Variants in BCL2 observed in about 807,000 individuals in gnomAD.
BCL2 encodes the protein BCL2 apoptosis regulator, also known as apoptosis regulator Bcl-2.
Under a neutral mutation model 14.2 loss-of-function variants are expected in BCL2, and 1 was observed. The observed-to-expected ratio is 0.07, with a 90% CI of 0.02 to 0.33. BCL2 has a LOEUF of 0.33. Among genes scored for constraint, BCL2 ranks in the 10% least tolerant of loss-of-function variants. The pLI is 0.99. For missense variants in BCL2, 247 were observed against 305.9 expected (o/e 0.81, Z 1.44); for synonymous variants, 151 against 137.2 (o/e 1.10, Z -0.70).
chr18:63,292,824 C>G (rs1387276414), intron 2 of BCL2, among the ~76,000 whole-genome samples: 1 of 152,238 alleles, frequency 6.6e-6, no homozygotes, highest in African/African-American at 2.4e-5. Context: ...GCTCTCCCAC[C>G]ACGCATTAGG....
intron 2 of BCL2, among the ~76,000 whole-genome samples, chr18:63,279,401 A>G (rs1912246339): frequency 6.6e-6 from 1 of 152,278 alleles, no homozygotes; most frequent in Non-Finnish European, 1.5e-5. Context: ...ACGTTCTAAA[A>G]GAAAATAAGC....
chr18:63,141,699 C>T (rs767209054), intron 2 of BCL2, among the ~76,000 whole-genome samples: 1 of 152,212 alleles, frequency 6.6e-6, no homozygotes, highest in African/African-American at 2.4e-5. Context: ...TCCACCAACT[C>T]TTTTTTCTTG....
At chr18:63,183,016 G>A (rs891678245) in intron 2 of BCL2, among the ~76,000 whole-genome samples, 2 of 152,242 alleles carry the variant, frequency 1.3e-5, no homozygotes, top group African/African-American at 4.8e-5. Flanking sequence ...AGCTGGGCAT[G>A]CCTAGGTCAC....
intron 2 of BCL2, among the ~76,000 whole-genome samples, chr18:63,166,663 C>T (rs1915052434): frequency 6.6e-6 from 1 of 152,184 alleles, no homozygotes; most frequent in Non-Finnish European, 1.5e-5. Flanking sequence ...TTAACACACC[C>T]CTCCAACACT....
chr18:63,145,295 T>C lies in BCL2; in HGVS notation c.586-16536A>G, dbSNP rs1914478575. 3.3e-5 allele frequency among the ~76,000 whole-genome samples: 5 copies of C among 152,146 alleles called. No homozygotes were observed. The South Asian group carries it at 1.0e-3, about 32-fold the overall frequency. On this transcript the variant is annotated intron_variant, in intron 2 of 2. Transcript: ENST00000333681. ...TGTCTGCAACGTGCATGAACAAGAG[T>C]GGCTCCACACCACGGACAGAGCATA... is the stretch of plus-strand genomic sequence containing the variant.
chr18:63,261,007 G>A (rs139340332), intron 2 of BCL2, among the ~76,000 whole-genome samples: 2 of 152,152 alleles, frequency 1.3e-5, no homozygotes, highest in Non-Finnish European at 2.9e-5. Context: ...TAAGGTCCAG[G>A]GAAGGGCTCC....
intron 2 of BCL2, among the ~76,000 whole-genome samples, chr18:63,200,998 G>C (rs1387497107): frequency 6.6e-6 from 1 of 152,156 alleles, no homozygotes; most frequent in East Asian, 1.9e-4. Context: ...CAGCAGGCAC[G>C]GGATGTTTGA....
chr18:63,280,969 G>A (rs1912292241), intron 2 of BCL2, among the ~76,000 whole-genome samples: 2 of 152,180 alleles, frequency 1.3e-5, no homozygotes, highest in South Asian at 4.1e-4. Flanking sequence ...GAAACAATAT[G>A]TAGTAGATCC....
At chr18:63,238,472 G>A (rs537603374) in intron 2 of BCL2, among the ~76,000 whole-genome samples, 44 of 152,356 alleles carry the variant, frequency 2.9e-4, no homozygotes, top group African/African-American at 1.0e-3. Flanking sequence ...AAATCCCATA[G>A]GCATGGGGCC....
At position 63,318,949 on chromosome 18, in the gene BCL2, GAT is replaced by G. The variant is rs1034684061; in HGVS notation, c.-285_-284del. On this transcript the variant is annotated splice_region_variant and 5_prime_UTR_variant, in exon 2 of 3. It removes the in-frame stop codon of an upstream open reading frame in the 5' UTR. Coordinates refer to ENST00000333681, the MANE Select transcript of BCL2 (RefSeq NM_000633.3). This position sits in a 1 kb window ranked among gnomAD's most constrained non-coding sequence, Gnocchi z 7.4. ...GTTAATATCAGTCTACTTCCTCTGT[GAT>G]GCTGAAAGGTTAAAGAAAAAACAAA... The G allele has an allele frequency of 7.6e-7, 1 of 1,316,752 alleles. No homozygotes were observed. Among genetic ancestry groups the G allele is most frequent in the Non-Finnish European group, 9.7e-7 (1 of 1,025,796 alleles). The allele number at this position is 1,316,752 out of a possible 1,614,324, so 81.6% of individuals were successfully genotyped here. A position where few individuals can be genotyped will look rare whatever the true frequency, so the allele number is the denominator to read the frequency against.
chr18:63,313,404 C>G (rs1913397677), intron 2 of BCL2, among the ~76,000 whole-genome samples: 1 of 152,228 alleles, frequency 6.6e-6, no homozygotes, highest in African/African-American at 2.4e-5. Context: ...GGAGTAAATT[C>G]ACTGAGTGGT....
chr18:63,236,778 A>G (rs541985599), intron 2 of BCL2, among the ~76,000 whole-genome samples: 1 of 152,258 alleles, frequency 6.6e-6, no homozygotes, highest in East Asian at 1.9e-4. Context: ...CCAGCACCCT[A>G]TCTAAATTAA....
At chr18:63,278,796 T>C (rs576936470) in intron 2 of BCL2, among the ~76,000 whole-genome samples, 1 of 152,264 alleles carries the variant, frequency 6.6e-6, no homozygotes, top group East Asian at 1.9e-4. Flanking sequence ...CCAAGACTTA[T>C]AGAGCTATAA....
chr18:63,207,457 A>C (rs1909868798), intron 2 of BCL2, among the ~76,000 whole-genome samples: 1 of 152,252 alleles, frequency 6.6e-6, no homozygotes, highest in Non-Finnish European at 1.5e-5. Flanking sequence ...GATGGTCAAG[A>C]GCTAACATTG....
chr18:63,254,510 A>C (rs1356011778), intron 2 of BCL2, among the ~76,000 whole-genome samples: 1 of 151,230 alleles, frequency 6.6e-6, no homozygotes, highest in African/African-American at 2.4e-5. Flanking sequence ...AGCTGAAATC[A>C]TGTCACTGCA....
At chr18:63,302,975 A>G in intron 2 of BCL2, 1 of 685,268 alleles carries the variant, frequency 1.5e-6, no homozygotes, top group East Asian at 1.4e-4. Flanking sequence ...GTTTTTAAGT[A>G]GAATAAAATG....
chr18:63,230,904 G>GA (rs149886596), intron 2 of BCL2, among the ~76,000 whole-genome samples: 2,959 of 148,400 alleles, frequency 0.02, 86 homozygotes, highest in African/African-American at 0.068. Context: ...CAAAAAATCT[G>GA]AAAAAAAAAA....
At chr18:63,209,484 G>A (rs1909938342) in intron 2 of BCL2, among the ~76,000 whole-genome samples, 2 of 152,164 alleles carry the variant, frequency 1.3e-5, no homozygotes, top group South Asian at 4.1e-4. Context: ...GTTCCCATTG[G>A]CAGGTGGTCT....
chr18:63,167,476 T>C (rs570977401), intron 2 of BCL2, among the ~76,000 whole-genome samples: 1 of 152,286 alleles, frequency 6.6e-6, no homozygotes, highest in African/African-American at 2.4e-5. Flanking sequence ...TTTGGGCACA[T>C]TTAAAAATAA....
Sources: allele counts gnomAD v4.1 joint callset (sites outside exome capture counted in the v4.1 genomes callset), GRCh38; gene constraint gnomAD v4.1.1; non-coding constraint Gnocchi (gnomAD v3.1); transcripts MANE v1.5; gene names NCBI Gene and HGNC (gene_info 2026-07-23, HGNC 2026-07-21).